ADK: variants seen among roughly 807,000 people sequenced by gnomAD.
ADK encodes N6,N6-dimethyladenosine kinase.
A neutral mutation model predicts 44.7 loss-of-function variants in ADK; 24 were observed. The observed-to-expected ratio is 0.54, with a 90% CI of 0.39 to 0.76. The LOEUF is 0.76. Among genes scored for constraint, ADK ranks in the 30% least tolerant of loss-of-function variants. The pLI, the probability that ADK is intolerant of heterozygous loss-of-function variation, is 0.00. For missense variants in ADK, 321 were observed against 425.1 expected, an observed-to-expected ratio of 0.76 and a Z score of 2.15; for synonymous variants, 128 against 142.6, an observed-to-expected ratio of 0.90 and a Z score of 0.73.
chr10:74,495,862 A>G (rs939733256), intron 6 of ADK, among the ~76,000 whole-genome samples: 1 of 152,134 alleles, frequency 6.6e-6, no homozygotes, highest in African/African-American at 2.4e-5. Flanking sequence ...TGAATTTTCC[A>G]AGGTTTGGAG....
At chr10:74,704,202 T>C (rs1856523055) in intron 10 of ADK, among the ~76,000 whole-genome samples, 1 of 152,196 alleles carries the variant, frequency 6.6e-6, no homozygotes, top group South Asian at 2.1e-4. Flanking sequence ...TGGGGAGTTA[T>C]TGTTTAATGG....
intron 3 of ADK, among the ~76,000 whole-genome samples, chr10:74,238,144 C>T (rs768107907): frequency 6.6e-6 from 1 of 152,238 alleles, no homozygotes; most frequent in East Asian, 1.9e-4. Flanking sequence ...CAGGCATGAG[C>T]CACCGCGCCT....
At chr10:74,669,913 G>A (rs568602704) in intron 9 of ADK, among the ~76,000 whole-genome samples, 3 of 152,048 alleles carry the variant, frequency 2.0e-5, no homozygotes, top group Non-Finnish European at 4.4e-5. Context: ...GCTACCATTT[G>A]TAGTCACTCC....
At chr10:74,444,053 T>A (rs1845513234) in intron 6 of ADK, among the ~76,000 whole-genome samples, 1 of 152,094 alleles carries the variant, frequency 6.6e-6, no homozygotes, top group African/African-American at 2.4e-5. Context: ...ACCAGTTCTA[T>A]CTCCTGTCCC....
At position 74,558,754 on chromosome 10, in the gene ADK, T is replaced by G. The variant is rs1436157789; in HGVS notation, c.727-30528T>G. 2.6e-5 allele frequency among the ~76,000 whole-genome samples: 4 copies of G among 152,268 alleles called. No homozygotes were observed. The East Asian group carries it at 7.7e-4, about 29-fold the overall frequency. On this transcript the variant is annotated intron_variant, in intron 7 of 10. Transcript: ENST00000539909. The stretch of plus-strand genomic sequence containing the variant: ...CTGGCTTTGAAGTGGGGATGGGCCA[T>G]GAGCCAAAGGATGCAGGCACTTCTG...
intron 6 of ADK, among the ~76,000 whole-genome samples, chr10:74,522,838 C>CT (rs1246712677): frequency 6.6e-6 from 1 of 152,122 alleles, no homozygotes; most frequent in African/African-American, 2.4e-5. Context: ...GTTCTTTGCT[C>CT]TAATTATCCT....
chr10:74,307,464 C>A (rs1564645425), intron 3 of ADK, among the ~76,000 whole-genome samples: 1 of 152,146 alleles, frequency 6.6e-6, no homozygotes, highest in Non-Finnish European at 1.5e-5. Context: ...GGAAATTTAT[C>A]CACTTTGTCC....
intron 9 of ADK, among the ~76,000 whole-genome samples, chr10:74,664,092 G>T (rs1387038814): frequency 6.6e-6 from 1 of 152,158 alleles, no homozygotes; most frequent in Admixed American, 6.5e-5. Flanking sequence ...TTAATGCTTT[G>T]TGACGTTGTT....
At chr10:74,291,678 G>A (rs1007348022) in intron 3 of ADK, among the ~76,000 whole-genome samples, 1 of 150,472 alleles carries the variant, frequency 6.6e-6, no homozygotes, top group Admixed American at 6.7e-5. Flanking sequence ...ATTACATGTG[G>A]TAACTTTTTA....
intron 3 of ADK, among the ~76,000 whole-genome samples, chr10:74,286,209 C>G (rs1198728520): frequency 6.6e-6 from 1 of 152,178 alleles, no homozygotes; most frequent in African/African-American, 2.4e-5. Flanking sequence ...TGTGCCACCA[C>G]ACCTGGCTCA....
intron 7 of ADK, among the ~76,000 whole-genome samples, chr10:74,574,983 G>T (rs1307166597): frequency 3.3e-5 from 5 of 152,064 alleles, no homozygotes; most frequent in South Asian, 2.1e-4. Context: ...TAAACTAGGT[G>T]GGGGGGAAAC....
intron 9 of ADK, among the ~76,000 whole-genome samples, chr10:74,604,857 C>T (rs531127018): frequency 1.1e-4 from 16 of 152,080 alleles, no homozygotes; most frequent in South Asian, 8.3e-4. Context: ...ACCATTTTCA[C>T]GATATTCTTC....
intron 3 of ADK, 137 bp downstream of exon 3, chr10:74,224,728 A>G: frequency 1.4e-6 from 1 of 722,844 alleles, no homozygotes; most frequent in East Asian, 2.8e-5. Context: ...CCTAACAATT[A>G]TGATAACCTA....
At chr10:74,467,377 T>C (rs2133273309) in intron 6 of ADK, among the ~76,000 whole-genome samples, 1 of 152,272 alleles carries the variant, frequency 6.6e-6, no homozygotes, top group East Asian at 1.9e-4. Flanking sequence ...TATCCTGAGT[T>C]GATAGTACAG....
chr10:74,674,930 C>T (rs1275457559), intron 10 of ADK, among the ~76,000 whole-genome samples: 2 of 152,038 alleles, frequency 1.3e-5, no homozygotes, highest in African/African-American at 2.4e-5. Flanking sequence ...TGACTCCTTC[C>T]ACCTTGGGAA....
chr10:74,157,728 A>AAT (rs907391363), intron 1 of ADK, among the ~76,000 whole-genome samples: 2 of 151,650 alleles, frequency 1.3e-5, no homozygotes, highest in Non-Finnish European at 2.9e-5. Flanking sequence ...AAAAAAAAAA[A>AAT]AAAAAAATAC....
intron 2 of ADK, among the ~76,000 whole-genome samples, chr10:74,208,201 G>A (rs541033261): frequency 6.6e-6 from 1 of 152,356 alleles, no homozygotes; most frequent in African/African-American, 2.4e-5. Context: ...AGAGTGCAGG[G>A]ATACCTGGGT....
intron 9 of ADK, among the ~76,000 whole-genome samples, chr10:74,648,968 T>G (rs1390403708): frequency 6.6e-6 from 1 of 151,988 alleles, no homozygotes; most frequent in African/African-American, 2.4e-5. Flanking sequence ...GATTACGACG[T>G]CAGGAGATCA....
intron 3 of ADK, among the ~76,000 whole-genome samples, chr10:74,276,381 T>C (rs1312146708): frequency 6.6e-6 from 1 of 152,234 alleles, no homozygotes; most frequent in African/African-American, 2.4e-5. Context: ...GACAGGGGTA[T>C]TGCTTTCTGG....
Sources: gnomAD v4.1 joint callset for allele counts (sites outside exome capture counted in the v4.1 genomes callset) on GRCh38, gnomAD v4.1.1 for gene constraint, MANE v1.5 for transcripts, NCBI Gene and HGNC (gene_info 2026-07-23, HGNC 2026-07-21) for gene names.